PAX8: variants seen among roughly 807,000 people sequenced by gnomAD.
PAX8 encodes paired box protein Pax-8.
A neutral mutation model predicts 52.4 loss-of-function variants in PAX8; 15 were observed. That is an observed-to-expected ratio of 0.29 (90% CI 0.19 to 0.44). The LOEUF (loss-of-function observed/expected upper bound fraction) is 0.44. Among genes scored for constraint, PAX8 ranks in the 20% least tolerant of loss-of-function variants. The pLI, the probability that PAX8 is intolerant of heterozygous loss-of-function variation, is 1.00. For missense variants in PAX8, 554 were observed against 602.5 expected (o/e 0.92, Z 0.84); for synonymous variants, 284 against 249.7 (o/e 1.14, Z -1.29).
At chr2:113,227,574 A>C (rs1306691189) in intron 9 of PAX8, among the ~76,000 whole-genome samples, 1 of 152,158 alleles carries the variant, frequency 6.6e-6, no homozygotes, top group East Asian at 1.9e-4. Flanking sequence ...TTGGAGGCTG[A>C]GGTTATGTCT....
In PAX8 at chr2:113,260,782, C is replaced by A. The variant is rs1268325938; in HGVS notation, c.26-13863G>T. On this transcript the variant is annotated intron_variant, in intron 2 of 11. Transcript: ENST00000429538. ...TCTGAGATCTTAACTAGGATACAAC[C>A]TGATGGGCTTGACTAGCTCATGGAG... Among the ~76,000 whole-genome samples the A allele has an allele frequency of 1.3e-5, 2 of 152,100 alleles. 1 individual carries two copies. Among genetic ancestry groups the A allele is most frequent in the South Asian group, 4.1e-4 (2 of 4,822 alleles).
intron 10 of PAX8, chr2:113,225,945 A>AAGGG (rs1291466824): frequency 1.9e-5 from 18 of 923,344 alleles, no homozygotes; most frequent in South Asian, 5.1e-5. Context: ...CCAGAAGAGG[A>AAGGG]AGGGAGGGAG....
rs919836111 is a variant in PAX8 at position 113,240,664 on chromosome 2, A to G, written c.777+887T>C. ...ACACCAACCTGTTATGATTCATTTC[A>G]CCTGTCCTGAGCACTAGCAAGAAAA... is the stretch of plus-strand genomic sequence containing the variant. On this transcript the variant is annotated intron_variant, in intron 7 of 11. Coordinates refer to ENST00000429538, the MANE Select transcript of PAX8 (RefSeq NM_003466.4). The G allele has an allele frequency of 2.0e-5, 3 of 152,232 alleles. No individual in the cohort carries two copies. In the East Asian group the frequency reaches 5.8e-4, roughly 29 times the overall value. The allele number at this position is 152,232 out of a possible 1,614,324, so 9.4% of individuals were successfully genotyped here.
intron 7 of PAX8, chr2:113,239,691 A>T (rs538793977): frequency 1.3e-5 from 2 of 152,220 alleles, no homozygotes; most frequent in Non-Finnish European, 2.9e-5. Context: ...TCCTCATCTG[A>T]AAGATGAGTG....
intron 3 of PAX8, among the ~76,000 whole-genome samples, chr2:113,246,327 G>A (rs1491584): frequency 0.31 from 46,435 of 152,086 alleles, 7,138 homozygotes; most frequent in South Asian, 0.44. Flanking sequence ...TATGGTTTGA[G>A]AAGCACAAAC....
In PAX8 at chr2:113,235,406, C is replaced by T; in HGVS notation, c.1075G>A (p.Ala359Thr). Residue 359 changes from alanine to threonine, a missense_variant, in exon 9 of 12, where the codon GCC (alanine) becomes ACC (threonine). Around this residue, in one of 2 missense-constraint regions of PAX8, gnomAD observed 445 missense variants for 409.9 expected, o/e 1.09. Coordinates refer to ENST00000429538, the MANE Select transcript of PAX8 (RefSeq NM_003466.4). ...ASVYGQFTGQ[A>T]LLSGREMVGP... Reference sequence around the variant, plus strand: ...CTCCCTGTCGTACCTGAGAGGAGGGCCTGGCCCGTGAACTGCCCGTACACG... The same window carrying T: ...CTCCCTGTCGTACCTGAGAGGAGGGTCTGGCCCGTGAACTGCCCGTACACG... The T allele has an allele frequency of 6.3e-7, 1 of 1,585,004 alleles. No individual in the cohort carries two copies.
intron 10 of PAX8, chr2:113,220,402 G>A: frequency 1.8e-6 from 1 of 543,492 alleles, no homozygotes; most frequent in Non-Finnish European, 3.3e-6. Flanking sequence ...GTAGGTACTG[G>A]AGGCACTGGC....
chr2:113,216,045 G>A lies in PAX8; in HGVS notation c.*2488C>T, dbSNP rs568575986. 1 of 220,468 alleles carries A rather than the reference G, an allele frequency of 4.5e-6. No individual in the cohort carries two copies. Among genetic ancestry groups the A allele is most frequent in the Non-Finnish European group, 9.1e-6 (1 of 109,990 alleles). The allele number at this position is 220,468 out of a possible 1,614,324, so 13.7% of individuals were successfully genotyped here. ...AAGCCCCTTTATTGGTTGTGAGTTG[G>A]AAAGGGTCTGCCGGGGGTACAGAGT... On this transcript the variant is annotated 3_prime_UTR_variant, in exon 12 of 12. Coordinates refer to ENST00000429538, the MANE Select transcript of PAX8 (RefSeq NM_003466.4).
chr2:113,278,257 G>T, intron 2 of PAX8, 113 bp downstream of exon 2: 3 of 864,470 alleles, frequency 3.5e-6, no homozygotes, highest in East Asian at 2.6e-5. Context: ...GTCCCCACGC[G>T]GGTGGGTCCC....
At chr2:113,264,983 C>T (rs955684198) in intron 2 of PAX8, among the ~76,000 whole-genome samples, 2 of 152,136 alleles carry the variant, frequency 1.3e-5, no homozygotes, top group Admixed American at 6.5e-5. Context: ...AAAGTCTTCT[C>T]GGATTGTACA....
chr2:113,226,291 G>C, intron 10 of PAX8: 1 of 985,490 alleles, frequency 1.0e-6, no homozygotes, highest in Non-Finnish European at 1.2e-6. Flanking sequence ...GGTCACAGAT[G>C]CCTTGTGTTC....
intron 3 of PAX8, among the ~76,000 whole-genome samples, chr2:113,245,037 T>G (rs1353856272): frequency 4.4e-5 from 6 of 137,658 alleles, no homozygotes; most frequent in East Asian, 2.0e-4. Context: ...ACGACTGAGG[T>G]TTTTTTTGTT....
intron 2 of PAX8, among the ~76,000 whole-genome samples, chr2:113,277,874 G>A (rs1573563367): frequency 6.6e-6 from 1 of 152,192 alleles, no homozygotes; most frequent in East Asian, 1.9e-4. Flanking sequence ...GCCGGCTCCC[G>A]GGCCCGGGAC....
intron 2 of PAX8, among the ~76,000 whole-genome samples, chr2:113,247,869 A>T (rs1573480260): frequency 6.6e-6 from 1 of 152,236 alleles, no homozygotes; most frequent in African/African-American, 2.4e-5. Flanking sequence ...AGACCAGCAA[A>T]CAGCCAGTTA....
chr2:113,224,512 A>ACTCCAGC (rs1164592202), intron 10 of PAX8, among the ~76,000 whole-genome samples: 1 of 145,400 alleles, frequency 6.9e-6, no homozygotes, highest in Admixed American at 7.4e-5. Flanking sequence ...ACACCACTAC[A>ACTCCAGC]CTCCAGCCTG....
intron 2 of PAX8, chr2:113,270,064 A>G (rs1693359178): frequency 1.3e-5 from 2 of 152,218 alleles, no homozygotes; most frequent in Admixed American, 1.3e-4. Context: ...AGCACTTTCT[A>G]TGCGTCCCTT....
intron 2 of PAX8, chr2:113,276,080 A>ACGGC (rs1276294994): frequency 1.3e-5 from 2 of 152,170 alleles, no homozygotes; most frequent in Non-Finnish European, 2.9e-5. Context: ...CTCCCTAAGC[A>ACGGC]CGGCCGGTCT....
rs117723980 is a variant in PAX8 at position 113,274,622 on chromosome 2, T to C, written c.25+3748A>G. On this transcript the variant is annotated intron_variant, in intron 2 of 11. Coordinates refer to ENST00000429538, the MANE Select transcript of PAX8 (RefSeq NM_003466.4). Reference sequence around the variant, plus strand: ...AAAATGTTCTGGAGGATGTGAATGATTAAACTGTTTACTCCAAGGTTTAGG... The same window carrying C: ...AAAATGTTCTGGAGGATGTGAATGACTAAACTGTTTACTCCAAGGTTTAGG... 13 of 152,344 alleles carry C rather than the reference T, an allele frequency of 8.5e-5. 1 individual carries two copies. In the East Asian group the frequency reaches 2.1e-3, roughly 25 times the overall value. The allele number at this position is 152,344 out of a possible 1,614,324, so 9.4% of individuals were successfully genotyped here.
At chr2:113,245,466 C>T (rs1390737082) in intron 3 of PAX8, among the ~76,000 whole-genome samples, 2 of 152,162 alleles carry the variant, frequency 1.3e-5, no homozygotes, top group South Asian at 2.1e-4. Flanking sequence ...TATCCCTCAC[C>T]CCCCTGGTCA....
Sources: allele counts gnomAD v4.1 joint callset (sites outside exome capture counted in the v4.1 genomes callset), GRCh38; gene constraint gnomAD v4.1.1; regional missense constraint gnomAD v4.1.1; transcripts MANE v1.5; gene names NCBI Gene and HGNC (gene_info 2026-07-23, HGNC 2026-07-21).